FARS2: variants seen among roughly 807,000 people sequenced by gnomAD.
FARS2 encodes phenylalanyl-tRNA synthetase 2, mitochondrial.
Under a neutral mutation model 46.4 loss-of-function variants are expected in FARS2, and 40 were observed. The ratio of observed to expected loss-of-function variants is 0.86; its 90% CI spans 0.67 to 1.12. The LOEUF (loss-of-function observed/expected upper bound fraction) is 1.12, where lower values mean the gene tolerates loss of function less well. Ranked by LOEUF, FARS2 falls within the 50% of genes most tolerant of loss-of-function variation. FARS2 has a pLI of 0.00. For synonymous variants in FARS2, 234 were observed against 214.9 expected, an observed-to-expected ratio of 1.09 and a Z score of -0.78; for missense variants, 513 against 567.9, an observed-to-expected ratio of 0.90 and a Z score of 0.98.
At chr6:5,588,772 G>A (rs1261744394) in intron 5 of FARS2, among the ~76,000 whole-genome samples, 1 of 152,158 alleles carries the variant, frequency 6.6e-6, no homozygotes, top group Non-Finnish European at 1.5e-5. Context: ...TTCGCGTGCA[G>A]TTCTTTGTGG....
chr6:5,269,481 C>CA (rs766259294), intron 1 of FARS2, among the ~76,000 whole-genome samples: 3,866 of 135,476 alleles, frequency 0.029, 107 homozygotes, highest in African/African-American at 0.083. Context: ...TGAAAATAAC[C>CA]AAAAAAAAAA....
chr6:5,432,595 G>A lies in FARS2; in HGVS notation c.904+1423G>A, dbSNP rs142683362. On this transcript the variant is annotated intron_variant, in intron 4 of 6. Coordinates refer to ENST00000274680, the MANE Select transcript of FARS2 (RefSeq NM_006567.5). ...AAGTTGGTTTGGATTGGGCATTTGAGCTCACTACATAAGCAGTGAGCACCA... is the reference window on the plus strand; with the variant it reads ...AAGTTGGTTTGGATTGGGCATTTGAACTCACTACATAAGCAGTGAGCACCA... 3.7e-3 allele frequency among the ~76,000 whole-genome samples: 542 copies of A among 144,898 alleles called. 2 individuals are homozygous for A. The highest frequency in any genetic ancestry group is 0.014 in the African/African-American group (524 of 38,806).
chr6:5,418,909 T>C (rs977868427), intron 3 of FARS2, among the ~76,000 whole-genome samples: 5 of 151,972 alleles, frequency 3.3e-5, no homozygotes, highest in African/African-American at 1.2e-4. Flanking sequence ...GTTTTTCATA[T>C]GGAAGGGTAA....
At chr6:5,587,143 CT>C (rs955189646) in intron 5 of FARS2, among the ~76,000 whole-genome samples, 14 of 152,166 alleles carry the variant, frequency 9.2e-5, no homozygotes, top group Admixed American at 1.3e-4. Context: ...TTCATTTAAC[CT>C]TTTTGGGCCT....
At chr6:5,298,345 G>T (rs1262876084) in intron 1 of FARS2, among the ~76,000 whole-genome samples, 1 of 152,202 alleles carries the variant, frequency 6.6e-6, no homozygotes, top group East Asian at 1.9e-4. Flanking sequence ...GGGAAGCCTG[G>T]TTGTACATGG....
intron 5 of FARS2, among the ~76,000 whole-genome samples, chr6:5,575,001 C>T (rs1310569814): frequency 6.6e-6 from 1 of 151,984 alleles, no homozygotes; most frequent in Non-Finnish European, 1.5e-5. Flanking sequence ...AGTTCAAACC[C>T]AAGTTGTTCA....
chr6:5,434,104 G>T (rs7757059), intron 4 of FARS2, among the ~76,000 whole-genome samples: 23 of 151,312 alleles, frequency 1.5e-4, no homozygotes, highest in Non-Finnish European at 2.2e-4. Context: ...ACATAAAAAT[G>T]AATTAATTAA....
At chr6:5,634,187 T>C (rs1483074325) in intron 6 of FARS2, among the ~76,000 whole-genome samples, 2 of 152,220 alleles carry the variant, frequency 1.3e-5, no homozygotes, top group African/African-American at 4.8e-5. Flanking sequence ...GATGAGAGAA[T>C]CAAACTTTTA....
chr6:5,428,844 A>G (rs1339165027), intron 3 of FARS2, among the ~76,000 whole-genome samples: 1 of 152,212 alleles, frequency 6.6e-6, no homozygotes. Flanking sequence ...ACGGCCTGCA[A>G]CAAGACCAGC....
chr6:5,742,046 C>T (rs1253512942), intron 6 of FARS2, among the ~76,000 whole-genome samples: 1 of 152,210 alleles, frequency 6.6e-6, no homozygotes, highest in African/African-American at 2.4e-5. Flanking sequence ...GCTATTCTGC[C>T]CAAGACAGAA....
intron 6 of FARS2, among the ~76,000 whole-genome samples, chr6:5,657,963 A>G (rs1159593401): frequency 6.6e-6 from 1 of 152,248 alleles, no homozygotes; most frequent in Admixed American, 6.5e-5. Context: ...TGCCTTCCTC[A>G]TAATTGTTGT....
chr6:5,434,718 T>C (rs989060295), intron 4 of FARS2, among the ~76,000 whole-genome samples: 30 of 152,132 alleles, frequency 2.0e-4, no homozygotes, highest in Non-Finnish European at 5.9e-5. Context: ...CCGCTATTCT[T>C]TCCATCTCTT....
intron 1 of FARS2, among the ~76,000 whole-genome samples, chr6:5,312,725 G>A (rs907126207): frequency 3.9e-5 from 6 of 152,154 alleles, no homozygotes; most frequent in African/African-American, 1.2e-4. Context: ...GAGTCCAACC[G>A]GGACTCAAAT....
intron 6 of FARS2, among the ~76,000 whole-genome samples, chr6:5,741,699 G>A (rs551775640): frequency 6.6e-6 from 1 of 152,334 alleles, no homozygotes; most frequent in Admixed American, 6.5e-5. Context: ...CGCCCAGGCT[G>A]GAGTGCAGTG....
intron 4 of FARS2, among the ~76,000 whole-genome samples, chr6:5,500,656 T>TA (rs1767737981): frequency 6.6e-6 from 1 of 152,142 alleles, no homozygotes; most frequent in South Asian, 2.1e-4. Context: ...ACTCTGGAGT[T>TA]AGACAAACCT....
intron 5 of FARS2, among the ~76,000 whole-genome samples, chr6:5,547,349 T>C (rs1771094399): frequency 6.6e-6 from 1 of 152,202 alleles, no homozygotes. Context: ...AATCATGGCT[T>C]ACATATTTCC....
At chr6:5,441,880 T>C (rs898132371) in intron 4 of FARS2, among the ~76,000 whole-genome samples, 2 of 152,228 alleles carry the variant, frequency 1.3e-5, no homozygotes, top group Admixed American at 1.3e-4. Context: ...AGTTCCCTGG[T>C]GTTTTACATC....
intron 4 of FARS2, among the ~76,000 whole-genome samples, chr6:5,469,546 C>T (rs567838457): frequency 6.6e-6 from 1 of 152,340 alleles, no homozygotes; most frequent in South Asian, 2.1e-4. Flanking sequence ...AGACCCTCTG[C>T]CAGGCTCTGG....
chr6:5,393,544 G>C (rs1007156015), intron 2 of FARS2, among the ~76,000 whole-genome samples: 1 of 152,106 alleles, frequency 6.6e-6, no homozygotes, highest in African/African-American at 2.4e-5. Context: ...TGTAGTCCCA[G>C]CTACTTGGGA....
Sources: allele counts gnomAD v4.1 joint callset (sites outside exome capture counted in the v4.1 genomes callset), GRCh38; gene constraint gnomAD v4.1.1; transcripts MANE v1.5; gene names NCBI Gene and HGNC (gene_info 2026-07-23, HGNC 2026-07-21).